TENM3: variants seen among roughly 807,000 people sequenced by gnomAD.
TENM3 encodes teneurin transmembrane protein 3.
Under a neutral mutation model 255.1 loss-of-function variants are expected in TENM3, and 63 were observed. The ratio of observed to expected loss-of-function variants is 0.25; its 90% confidence interval spans 0.20 to 0.30. TENM3 has a LOEUF of 0.30. Ranked by LOEUF, TENM3 falls within the 10% of genes least tolerant of loss-of-function variation. The pLI is 1.00. For missense variants in TENM3, 2,929 were observed against 3,461.1 expected (o/e 0.85, Z 3.86); for synonymous variants, 1,306 against 1,322.3 (o/e 0.99, Z 0.27).
chr4:182,547,468 T>C (rs1288537245), intron 3 of TENM3, among the ~76,000 whole-genome samples: 1 of 152,168 alleles, frequency 6.6e-6, no homozygotes, highest in African/African-American at 2.4e-5. Context: ...ATATTTTAAT[T>C]TTTTAGTTTT....
chr4:182,209,130 G>A (rs567131569), intron 1 of TENM3, among the ~76,000 whole-genome samples: 1 of 152,106 alleles, frequency 6.6e-6, no homozygotes, highest in South Asian at 2.1e-4. Flanking sequence ...ACCATGCCCG[G>A]CCAATTTTTG....
chr4:182,017,158 G>A, the TENM3 span, among the ~76,000 whole-genome samples: 2 of 152,246 alleles, frequency 1.3e-5, no homozygotes, highest in African/African-American at 4.8e-5. Context: ...CCTGCTCCCT[G>A]AGGTCCTCTC....
intron 20 of TENM3, 148 bp from the exon 21 acceptor site, chr4:182,753,302 T>A: frequency 1.6e-6 from 1 of 623,698 alleles, no homozygotes; most frequent in Non-Finnish European, 2.8e-6. Flanking sequence ...TGGTTTTTTC[T>A]AACGTGTTTG....
chr4:182,485,330 A>C (rs890314402), intron 3 of TENM3, among the ~76,000 whole-genome samples: 1 of 152,126 alleles, frequency 6.6e-6, no homozygotes, highest in South Asian at 2.1e-4. Context: ...GTCTAATGGC[A>C]ACTTTATGGA....
At chr4:182,459,232 G>T (rs1774139011) in intron 3 of TENM3, among the ~76,000 whole-genome samples, 1 of 152,078 alleles carries the variant, frequency 6.6e-6, no homozygotes, top group South Asian at 2.1e-4. Flanking sequence ...CTAAAAGCCT[G>T]TGAGGCCTTT....
chr4:181,681,916 A>G, the TENM3 span, among the ~76,000 whole-genome samples: 2 of 152,150 alleles, frequency 1.3e-5, no homozygotes, highest in Non-Finnish European at 2.9e-5. Flanking sequence ...ATGAGGGAGC[A>G]CTCCAGTGGA....
chr4:182,335,023 G>A (rs1404453949), intron 2 of TENM3, among the ~76,000 whole-genome samples: 1 of 151,908 alleles, frequency 6.6e-6, no homozygotes, highest in Non-Finnish European at 1.5e-5. Flanking sequence ...ATTCTTAGCC[G>A]GTAGCTTTTG....
At chr4:182,384,576 C>T (rs933968980) in intron 3 of TENM3, among the ~76,000 whole-genome samples, 6 of 152,032 alleles carry the variant, frequency 3.9e-5, no homozygotes, top group Non-Finnish European at 8.8e-5. Flanking sequence ...AAAACACCAC[C>T]GATATTGAAA....
At chr4:182,775,410 A>T (rs1004585851) in intron 24 of TENM3, among the ~76,000 whole-genome samples, 4 of 152,168 alleles carry the variant, frequency 2.6e-5, no homozygotes, top group Non-Finnish European at 5.9e-5. Flanking sequence ...GAGTGAAGGT[A>T]AAGCCATGAC....
At chr4:181,557,453 C>A in the TENM3 span, among the ~76,000 whole-genome samples, 6 of 152,114 alleles carry the variant, frequency 3.9e-5, no homozygotes, top group African/African-American at 1.4e-4. Flanking sequence ...AATATTTTAT[C>A]ATTTAAATTT....
the TENM3 span, among the ~76,000 whole-genome samples, chr4:181,843,324 C>T: frequency 1.3e-5 from 2 of 152,126 alleles, no homozygotes; most frequent in Non-Finnish European, 2.9e-5. Context: ...GCCTGGGGAC[C>T]AACTTAGGGT....
the TENM3 span, among the ~76,000 whole-genome samples, chr4:181,585,783 C>G: frequency 1.3e-5 from 2 of 152,102 alleles, no homozygotes; most frequent in Admixed American, 6.5e-5. Flanking sequence ...GTGAAAGAAA[C>G]CTTTATTTCA....
chr4:182,554,888 T>C (rs1742426985), intron 3 of TENM3, among the ~76,000 whole-genome samples: 1 of 152,046 alleles, frequency 6.6e-6, no homozygotes, highest in African/African-American at 2.4e-5. Flanking sequence ...TTTTTTTTTT[T>C]TCCTTTCACA....
chr4:182,042,486 G>A, the TENM3 span, among the ~76,000 whole-genome samples: 3 of 152,096 alleles, frequency 2.0e-5, no homozygotes, highest in Non-Finnish European at 2.9e-5. Context: ...ATTCACAAAG[G>A]TCCTGACTCT....
intron 4 of TENM3, among the ~76,000 whole-genome samples, chr4:182,610,575 C>G (rs1327626447): frequency 6.6e-6 from 1 of 151,862 alleles, no homozygotes; most frequent in Non-Finnish European, 1.5e-5. Context: ...CCTAGCTATT[C>G]GGGAAGCTGA....
At chr4:182,700,456 C>A (rs1317400998) in intron 12 of TENM3, among the ~76,000 whole-genome samples, 1 of 152,174 alleles carries the variant, frequency 6.6e-6, no homozygotes, top group African/African-American at 2.4e-5. Context: ...TCTGTCCATA[C>A]GGAAGCACAG....
the TENM3 span, among the ~76,000 whole-genome samples, chr4:181,991,996 T>C: frequency 2.0e-5 from 3 of 152,182 alleles, no homozygotes; most frequent in African/African-American, 7.2e-5. Context: ...TAAAACTGAC[T>C]GCTAAACCTT....
At chr4:182,246,183 A>G (rs1367404246) in intron 1 of TENM3, among the ~76,000 whole-genome samples, 2 of 152,162 alleles carry the variant, frequency 1.3e-5, no homozygotes, top group Non-Finnish European at 2.9e-5. Flanking sequence ...AATGAATGCA[A>G]TCTAGGTACC....
rs535001267 is a variant in TENM3 at position 182,262,915 on chromosome 4, G to A, written c.-76+19439G>A. On this transcript the variant is annotated intron_variant, in intron 1 of 27. Coordinates refer to ENST00000511685, the MANE Select transcript of TENM3 (RefSeq NM_001080477.4). The stretch of plus-strand genomic sequence containing the variant: ...TTTTTAGTAGAGACGGGGTTTCACC[G>A]TGTTAGCCAGGATGGTCTCGATCTC... Among the ~76,000 whole-genome samples the A allele has an allele frequency of 2.2e-3, 339 of 151,878 alleles. 1 individual carries two copies. The highest frequency in any genetic ancestry group is 7.7e-3 in the African/African-American group (318 of 41,446).
Sources: gnomAD v4.1 joint callset for allele counts (sites outside exome capture counted in the v4.1 genomes callset) on GRCh38, gnomAD v4.1.1 for gene constraint, MANE v1.5 for transcripts, NCBI Gene and HGNC (gene_info 2026-07-23, HGNC 2026-07-21) for gene names.